The following CTNNA3 variants were observed in gnomAD, a reference collection of about 807,000 sequenced individuals.
CTNNA3 encodes the protein catenin alpha-3.
A neutral mutation model predicts 95.7 loss-of-function variants in CTNNA3; 76 were observed. That is an observed-to-expected ratio of 0.79 (90% CI 0.66 to 0.96). The LOEUF is 0.96. Among genes scored for constraint, CTNNA3 ranks in the 40% least tolerant of loss-of-function variants. The probability of loss-of-function intolerance (pLI) is 0.00; values close to 1 mark genes in which losing one functional copy is unlikely to be tolerated. For synonymous variants in CTNNA3, 431 were observed against 374.4 expected (o/e 1.15, Z -1.74); for missense variants, 1,191 against 1,089.8 (o/e 1.09, Z -1.31).
chr10:67,614,117 C>T (rs1843569704), intron 2 of CTNNA3, among the ~76,000 whole-genome samples: 1 of 152,166 alleles, frequency 6.6e-6, no homozygotes, highest in Non-Finnish European at 1.5e-5. Context: ...TTTGTCCCCG[C>T]CCATGTCCTG....
intron 13 of CTNNA3, among the ~76,000 whole-genome samples, chr10:66,278,136 A>C (rs1455680967): frequency 1.3e-5 from 2 of 149,490 alleles, no homozygotes; most frequent in Non-Finnish European, 3.0e-5. Flanking sequence ...ATTAGGACTT[A>C]AAAACAAGAA....
intron 4 of CTNNA3, among the ~76,000 whole-genome samples, chr10:67,525,465 C>T (rs1840113569): frequency 6.6e-6 from 1 of 152,118 alleles, no homozygotes; most frequent in South Asian, 2.1e-4. Context: ...ATAGAAAAGG[C>T]AACAGGAAAA....
intron 10 of CTNNA3, among the ~76,000 whole-genome samples, chr10:66,528,905 AAG>A (rs1841362992): frequency 6.6e-6 from 1 of 152,154 alleles, no homozygotes; most frequent in Non-Finnish European, 1.5e-5. Flanking sequence ...GACAGAAAAA[AAG>A]AAAAGAAAAA....
intron 7 of CTNNA3, among the ~76,000 whole-genome samples, chr10:67,062,933 G>GT (rs895257243): frequency 2.0e-5 from 3 of 152,082 alleles, no homozygotes; most frequent in Non-Finnish European, 2.9e-5. Flanking sequence ...ATTTCCTGCA[G>GT]TTTTTTTAGC....
At chr10:67,649,500 C>T (rs181317029) in intron 1 of CTNNA3, among the ~76,000 whole-genome samples, 64 of 152,132 alleles carry the variant, frequency 4.2e-4, no homozygotes, top group African/African-American at 1.5e-3. Context: ...GTCTTTAACA[C>T]AAATTAAGTA....
intron 15 of CTNNA3, among the ~76,000 whole-genome samples, chr10:66,053,589 T>C (rs1396097779): frequency 6.6e-6 from 1 of 152,010 alleles, no homozygotes; most frequent in African/African-American, 2.4e-5. Context: ...TCTTATTCAT[T>C]CTTTCTATTT....
chr10:66,744,872 G>A lies in CTNNA3; in HGVS notation c.1281+21392C>T, dbSNP rs192948087. 3.7e-3 allele frequency among the ~76,000 whole-genome samples: 561 copies of A among 152,186 alleles called. 4 individuals are homozygous for A. The highest frequency in any genetic ancestry group is 4.4e-3 in the Non-Finnish European group (298 of 68,026). Reference sequence around the variant, plus strand: ...AGGAGTTCTAGGGTTTTTATGTTGAGGAATAAATTGTAATAAAATATTTCA... The same window carrying A: ...AGGAGTTCTAGGGTTTTTATGTTGAAGAATAAATTGTAATAAAATATTTCA... On this transcript the variant is annotated intron_variant, in intron 9 of 17. Coordinates refer to ENST00000433211, the MANE Select transcript of CTNNA3 (RefSeq NM_013266.4).
At chr10:67,212,084 A>T (rs1272744878) in intron 6 of CTNNA3, among the ~76,000 whole-genome samples, 1 of 152,094 alleles carries the variant, frequency 6.6e-6, no homozygotes, top group Non-Finnish European at 1.5e-5. Context: ...TATAAACAGT[A>T]CATTGTTGTA....
chr10:66,965,620 A>G (rs1054226113), intron 7 of CTNNA3, among the ~76,000 whole-genome samples: 6 of 150,608 alleles, frequency 4.0e-5, no homozygotes, highest in Admixed American at 2.6e-4. Context: ...AGGGCAAGAC[A>G]GTTCCCAAAA....
chr10:67,571,969 G>T (rs1447671676), intron 3 of CTNNA3, among the ~76,000 whole-genome samples: 1 of 152,100 alleles, frequency 6.6e-6, no homozygotes, highest in Non-Finnish European at 1.5e-5. Context: ...TCTAAATACA[G>T]ATCAAGTATT....
intron 1 of CTNNA3, among the ~76,000 whole-genome samples, chr10:67,706,723 G>A (rs1204786052): frequency 1.3e-5 from 2 of 152,148 alleles, no homozygotes; most frequent in East Asian, 3.9e-4. Context: ...AGGAAAGGGA[G>A]AGGCAACAGA....
chr10:67,675,173 G>T (rs919993939), intron 1 of CTNNA3, among the ~76,000 whole-genome samples: 1 of 151,770 alleles, frequency 6.6e-6, no homozygotes, highest in African/African-American at 2.4e-5. Flanking sequence ...TTCGTTTTTT[G>T]ATTATCTTTT....
At chr10:66,850,929 A>G (rs1218891930) in intron 7 of CTNNA3, among the ~76,000 whole-genome samples, 1 of 152,124 alleles carries the variant, frequency 6.6e-6, no homozygotes, top group Admixed American at 6.6e-5. Flanking sequence ...AATCAGTTAA[A>G]TCACACTTTC....
At position 67,180,523 on chromosome 10, in the gene CTNNA3, A is replaced by C. The variant is rs1369252548; in HGVS notation, c.844-3T>G. On this transcript the variant is annotated splice_polypyrimidine_tract_variant and splice_region_variant and intron_variant, in intron 6 of 17. Transcript: ENST00000433211. The stretch of plus-strand genomic sequence containing the variant: ...AGTGGATTCAGGACAATTAAATTCT[A>C]AGAGAAGAACACATTTGTATGGTTA... The C allele has an allele frequency of 6.2e-7, 1 of 1,608,764 alleles. No individual in the cohort carries two copies. The highest frequency in any genetic ancestry group is 2.2e-5 in the East Asian group (1 of 44,806).
At chr10:66,376,770 A>T (rs964893633) in intron 12 of CTNNA3, among the ~76,000 whole-genome samples, 1 of 152,198 alleles carries the variant, frequency 6.6e-6, no homozygotes, top group Non-Finnish European at 1.5e-5. Context: ...CAGTCCACAG[A>T]TATTACTGTT....
chr10:66,673,750 T>G (rs1430166424), intron 9 of CTNNA3, among the ~76,000 whole-genome samples: 1 of 152,038 alleles, frequency 6.6e-6, no homozygotes, highest in East Asian at 1.9e-4. Context: ...CAAAGAAACA[T>G]CAAAAGACAT....
intron 11 of CTNNA3, among the ~76,000 whole-genome samples, chr10:66,403,646 T>C (rs1469283750): frequency 6.6e-6 from 1 of 152,196 alleles, no homozygotes; most frequent in Admixed American, 6.5e-5. Context: ...AGCCAAACCA[T>C]ATCACCTCGT....
chr10:67,700,251 T>C (rs184632890), upstream of CTNNA3, among the ~76,000 whole-genome samples: 376 of 152,350 alleles, frequency 2.5e-3, 2 homozygotes, highest in African/African-American at 8.5e-3. Context: ...TGTACCTGTC[T>C]GACAGCTTTG....
intron 13 of CTNNA3, among the ~76,000 whole-genome samples, chr10:66,107,741 G>T (rs1389791985): frequency 6.6e-6 from 1 of 151,626 alleles, no homozygotes; most frequent in Admixed American, 6.6e-5. Context: ...ATTCACTTGC[G>T]CAGACTTTAT....
Sources: gnomAD v4.1 joint callset for allele counts (sites outside exome capture counted in the v4.1 genomes callset) on GRCh38, gnomAD v4.1.1 for gene constraint, MANE v1.5 for transcripts, NCBI Gene and HGNC (gene_info 2026-07-23, HGNC 2026-07-21) for gene names.